Variants in B3GALT5 observed in about 807,000 individuals in gnomAD.
The protein encoded by B3GALT5 is beta-1,3-galactosyltransferase 5, also known as UDP-Gal:betaGlcNAc beta 1,3-galactosyltransferase, polypeptide 5.
For synonymous variants in B3GALT5, 156 were observed against 158.6 expected (o/e 0.98, Z 0.12); for missense variants, 328 against 396.6 (o/e 0.83, Z 1.47).
intron 1 of B3GALT5, among the ~76,000 whole-genome samples, chr21:39,618,906 A>T (rs779372708): frequency 4.6e-5 from 7 of 152,164 alleles, no homozygotes; most frequent in Non-Finnish European, 7.3e-5. Flanking sequence ...TCTTGCTAAA[A>T]GCCTTCAAGT....
At chr21:39,639,287 GCTCTTTCTTT>G (rs1356856806) in intron 1 of B3GALT5, among the ~76,000 whole-genome samples, 11 of 124,802 alleles carry the variant, frequency 8.8e-5, no homozygotes, top group Non-Finnish European at 1.6e-4. Context: ...CAGGCATCTG[GCTCTTTCTTT>G]CTTTCTTTCT....
rs1303174338 is a variant in B3GALT5, at chr21:39,613,057, C to A, written c.-402C>A. ...AGCCCGACTGGGCCTGCCGGGGCTGCCCCGCGCACGGTAAGGCCCGGGGCT... is the reference window on the plus strand; with the variant it reads ...AGCCCGACTGGGCCTGCCGGGGCTGACCCGCGCACGGTAAGGCCCGGGGCT... On this transcript the variant is annotated 5_prime_UTR_variant, in exon 1 of 4. Transcript: ENST00000684187. 1 of 150,206 alleles carries A rather than the reference C, an allele frequency of 6.7e-6. No individual in the cohort carries two copies. Among genetic ancestry groups the A allele is most frequent in the Non-Finnish European group, 1.5e-5 (1 of 67,412 alleles). The allele number at this position is 150,206 out of a possible 1,614,324, so 9.3% of individuals were successfully genotyped here. A position where few individuals can be genotyped will look rare whatever the true frequency, so the allele number is the denominator to read the frequency against.
intron 2 of B3GALT5, among the ~76,000 whole-genome samples, chr21:39,649,804 G>C (rs2079377394): frequency 6.6e-6 from 1 of 152,182 alleles, no homozygotes; most frequent in South Asian, 2.1e-4. Context: ...GAGGGTAGAA[G>C]ACAAGGAACT....
intron 1 of B3GALT5, among the ~76,000 whole-genome samples, chr21:39,633,010 T>C (rs1047778848): frequency 2.6e-5 from 4 of 152,194 alleles, no homozygotes; most frequent in Non-Finnish European, 5.9e-5. Context: ...GCAGTTGCAA[T>C]ATCTCATCAT....
chr21:39,644,829 A>G (rs1364691418), intron 1 of B3GALT5, among the ~76,000 whole-genome samples: 1 of 151,660 alleles, frequency 6.6e-6, no homozygotes, highest in African/African-American at 2.4e-5. Context: ...TCCAGGAGTG[A>G]CTGGAAGACC....
intron 1 of B3GALT5, among the ~76,000 whole-genome samples, chr21:39,643,417 CA>C (rs532164130): frequency 1.9e-3 from 215 of 113,368 alleles, no homozygotes; most frequent in East Asian, 2.8e-3. Context: ...GACTCTAGCT[CA>C]AAAAAAAAAA....
intron 1 of B3GALT5, among the ~76,000 whole-genome samples, chr21:39,639,338 C>T (rs1345884639): frequency 1.8e-4 from 22 of 119,724 alleles, no homozygotes; most frequent in South Asian, 9.1e-4. Context: ...TTCTTTCTTT[C>T]TTTCTTTCTT....
intron 1 of B3GALT5, among the ~76,000 whole-genome samples, chr21:39,638,178 T>G (rs2146196457): frequency 6.6e-6 from 1 of 152,278 alleles, no homozygotes; most frequent in South Asian, 2.1e-4. Context: ...CCCACGAACC[T>G]AGGTGAGGAC....
At position 39,639,416 on chromosome 21, in the gene B3GALT5, CTTTCTTTCTT is replaced by C. The variant is rs1569212461; in HGVS notation, c.-391-6974_-391-6965del. ...CTTCTTTCTTTTTCTTTCTTTCTTT[CTTTCTTTCTT>C]TCTTTCTTTCTTTCTTTCTTTCTTT... On this transcript the variant is annotated intron_variant, in intron 1 of 3. Coordinates refer to ENST00000684187, the MANE Select transcript of B3GALT5 (RefSeq NM_001356336.2). Among the ~76,000 whole-genome samples the C allele has an allele frequency of 5.8e-4, 57 of 97,874 alleles. 4 individuals are homozygous for C. Among genetic ancestry groups the C allele is most frequent in the Non-Finnish European group, 9.3e-4 (41 of 44,218 alleles). 64.2% of individuals were successfully genotyped at this position (97,874 alleles called of 152,430 possible).
intron 1 of B3GALT5, among the ~76,000 whole-genome samples, chr21:39,638,882 G>A (rs999788813): frequency 5.9e-5 from 9 of 152,306 alleles, no homozygotes; most frequent in Non-Finnish European, 1.2e-4. Context: ...AACTTCTTCT[G>A]TTTCATGTTG....
chr21:39,667,347 A>T lies in B3GALT5; in HGVS notation c.*5855A>T, dbSNP rs922909531. ...TTGGAAAGCCAAATAATTAATTTTC[A>T]TGCGAGTTTTTGATCCCCTTGAGTG... On this transcript the variant is annotated 3_prime_UTR_variant, in exon 4 of 4. Transcript: ENST00000684187. The T allele has an allele frequency of 1.3e-5, 2 of 152,220 alleles. No homozygotes were observed. The highest frequency in any genetic ancestry group is 2.4e-5 in the African/African-American group (1 of 41,466). 9.4% of individuals were successfully genotyped at this position (152,220 alleles called of 1,614,324 possible). A position where few individuals can be genotyped will look rare whatever the true frequency, so the allele number is the denominator to read the frequency against.
In B3GALT5 at chr21:39,661,994, C is replaced by T. The variant is rs2079531769; in HGVS notation, c.*502C>T. The stretch of plus-strand genomic sequence containing the variant: ...CATCCTTCCATCCCTGTCGAGTCCC[C>T]TCCACCTCAGCTCCCAGTCCTTGTG... On this transcript the variant is annotated 3_prime_UTR_variant, in exon 4 of 4. Coordinates refer to ENST00000684187, the MANE Select transcript of B3GALT5 (RefSeq NM_001356336.2). The surrounding 1 kb of genome is among the most constrained non-coding windows in gnomAD (Gnocchi z 4.7). 6.0e-6 allele frequency: 1 copy of T among 167,384 alleles called. No homozygotes were observed. Among genetic ancestry groups the T allele is most frequent in the South Asian group, 2.1e-4 (1 of 4,838 alleles). 10.4% of individuals were successfully genotyped at this position (167,384 alleles called of 1,614,324 possible).
At chr21:39,622,502 C>G (rs1419596791) in intron 1 of B3GALT5, among the ~76,000 whole-genome samples, 1 of 151,976 alleles carries the variant, frequency 6.6e-6, no homozygotes, top group Non-Finnish European at 1.5e-5. Flanking sequence ...AGTGTTGATA[C>G]TTTTGGCTTG....
intron 1 of B3GALT5, among the ~76,000 whole-genome samples, chr21:39,614,786 T>C (rs2079099023): frequency 6.6e-6 from 1 of 152,144 alleles, no homozygotes; most frequent in African/African-American, 2.4e-5. Context: ...AGTACTGGCA[T>C]CCCAGGGGAT....
chr21:39,639,454 T>C (rs1298837143), intron 1 of B3GALT5, among the ~76,000 whole-genome samples: 1 of 129,872 alleles, frequency 7.7e-6, no homozygotes, highest in African/African-American at 3.2e-5. Flanking sequence ...CTTTCTTTCT[T>C]TTTTTCTTTC....
In B3GALT5 at chr21:39,626,626, A is replaced by G. The variant is rs2031860206; in HGVS notation, c.-392+13559A>G. On this transcript the variant is annotated intron_variant, in intron 1 of 3. Transcript: ENST00000684187. ...CTGTTTTTTTTTCTTTTTTTCATTA[A>G]TTGCTATCCTGGTAGGTGCGAAGTG... 4.6e-5 allele frequency among the ~76,000 whole-genome samples: 7 copies of G among 151,900 alleles called. No homozygotes were observed. The South Asian group carries it at 1.5e-3, about 32-fold the overall frequency.
At chr21:39,645,493 C>T (rs570831788) in intron 1 of B3GALT5, among the ~76,000 whole-genome samples, 1 of 152,292 alleles carries the variant, frequency 6.6e-6, no homozygotes, top group South Asian at 2.1e-4. Context: ...CGTTGGTTTC[C>T]TCACATCTGG....
At chr21:39,640,394 T>C (rs893634195) in intron 1 of B3GALT5, among the ~76,000 whole-genome samples, 2 of 152,110 alleles carry the variant, frequency 1.3e-5, no homozygotes, top group Non-Finnish European at 2.9e-5. Context: ...TGAGACCCCT[T>C]TCTCCCTCAT....
chr21:39,660,820 G>C lies in B3GALT5; in HGVS notation c.261G>C (p.Lys87Asn). 6.2e-7 allele frequency: 1 copy of C among 1,600,660 alleles called. No individual in the cohort carries two copies. The highest frequency in any genetic ancestry group is 8.5e-7 in the Non-Finnish European group (1 of 1,172,984). The change falls in exon 4 of 4, where the codon AAG (lysine) becomes AAC (asparagine). Residue 87 changes from lysine to asparagine, a missense_variant. Coordinates refer to ENST00000684187, the MANE Select transcript of B3GALT5 (RefSeq NM_001356336.2). The part of the protein sequence containing the change: ...RQTWGKERMV[K>N]GKQLKTFFLL... Reference sequence around the variant, plus strand: ...CGTGGGGGAAAGAGAGGATGGTGAAGGGAAAGCAGCTGAAGACATTCTTCC... The same window carrying C: ...CGTGGGGGAAAGAGAGGATGGTGAACGGAAAGCAGCTGAAGACATTCTTCC...
Sources: allele counts gnomAD v4.1 joint callset (sites outside exome capture counted in the v4.1 genomes callset), GRCh38; gene constraint gnomAD v4.1.1; non-coding constraint Gnocchi (gnomAD v3.1); transcripts MANE v1.5; gene names NCBI Gene and HGNC (gene_info 2026-07-23, HGNC 2026-07-21).